The following FSCN2 variants were observed in gnomAD, a reference collection of about 807,000 sequenced individuals.
The protein encoded by FSCN2 is fascin actin-bundling protein 2, retinal.
FSCN2 carries 46 observed loss-of-function variants against 37.8 expected under a neutral mutation model. The ratio of observed to expected loss-of-function variants is 1.22; its 90% CI spans 0.96 to 1.56. The LOEUF is 1.56. Ranked by LOEUF, FSCN2 falls within the 40% of genes most tolerant of loss-of-function variation. The pLI, the probability that FSCN2 is intolerant of heterozygous loss-of-function variation, is 0.00. For synonymous variants in FSCN2, 351 were observed against 309.4 expected (o/e 1.13, Z -1.41); for missense variants, 844 against 730.4 (o/e 1.16, Z -1.79).
the FSCN2 span, chr17:81,518,958 G>A: frequency 1.3e-5 from 2 of 152,260 alleles, no homozygotes; most frequent in African/African-American, 2.4e-5. Flanking sequence ...CAGGGTACCC[G>A]AGTCTTAGCC....
At chr17:81,534,541 C>T (rs977359561) in intron 1 of FSCN2, among the ~76,000 whole-genome samples, 2 of 151,968 alleles carry the variant, frequency 1.3e-5, no homozygotes, top group East Asian at 1.9e-4. Flanking sequence ...GTCTTGTCCT[C>T]CCCCAGGGGT....
upstream of FSCN2, among the ~76,000 whole-genome samples, chr17:81,524,915 ACACACCACACT>A (rs2032303213): frequency 6.7e-6 from 1 of 149,564 alleles, no homozygotes; most frequent in African/African-American, 2.4e-5. Flanking sequence ...ACACACACAC[ACACACCACACT>A]CACACACATG....
chr17:81,535,048 C>T lies in FSCN2; in HGVS notation c.827-4C>T. The T allele has an allele frequency of 6.5e-7, 1 of 1,528,332 alleles. No homozygotes were observed. Among genetic ancestry groups the T allele is most frequent in the Non-Finnish European group, 8.8e-7 (1 of 1,142,376 alleles). 94.7% of individuals were successfully genotyped at this position (1,528,332 alleles called of 1,614,324 possible). On this transcript the variant is annotated splice_region_variant and splice_polypyrimidine_tract_variant and intron_variant, in intron 1 of 4. Transcript: ENST00000417245. ...TGAGGGGCTTCCCCATCTCCTCCCTCCAGGGGTCAACGTCTCAGCCAATCA... is the reference window on the plus strand; with the variant it reads ...TGAGGGGCTTCCCCATCTCCTCCCTTCAGGGGTCAACGTCTCAGCCAATCA...
intron 1 of FSCN2, among the ~76,000 whole-genome samples, chr17:81,532,841 A>G (rs149181279): frequency 0.04 from 6,040 of 151,990 alleles, 161 homozygotes; most frequent in East Asian, 0.12. Context: ...TTGATCCTCA[A>G]CCACCCTGCA....
the FSCN2 span, among the ~76,000 whole-genome samples, chr17:81,516,483 A>C: frequency 3.9e-5 from 6 of 152,186 alleles, no homozygotes; most frequent in African/African-American, 1.4e-4. Context: ...ATGAAATGCA[A>C]GGTGATGGCC....
intron 2 of FSCN2, 40 bp downstream of exon 2, chr17:81,535,248 CCCA>C (rs1166222991): frequency 9.9e-6 from 14 of 1,420,800 alleles, no homozygotes; most frequent in East Asian, 2.6e-5. Flanking sequence ...CATCCCCATC[CCCA>C]CCATCACCAT....
chr17:81,523,566 AC>A (rs1190329222), upstream of FSCN2: 1 of 152,336 alleles, frequency 6.6e-6, no homozygotes, highest in Non-Finnish European at 1.5e-5. Context: ...GGTGGCCCTC[AC>A]CTGGCTGCAG....
Position 81,536,865 on chromosome 17 carries a change from C to A in FSCN2, c.1274-10C>A, listed in dbSNP as rs757344317. 10 of 1,563,238 alleles carry A rather than the reference C, an allele frequency of 6.4e-6. No homozygotes were observed. The highest frequency in any genetic ancestry group is 1.4e-5 in the African/African-American group (1 of 72,846). ...GTGGGCACCCCCGCCGACGCCGTCC[C>A]GTCCCCCAGGCCGCGACGGAGGGTT... On this transcript the variant is annotated splice_polypyrimidine_tract_variant and intron_variant, in intron 4 of 4. Coordinates refer to ENST00000417245, the MANE Select transcript of FSCN2 (RefSeq NM_012418.4).
chr17:81,516,410 A>G, the FSCN2 span, among the ~76,000 whole-genome samples: 1 of 152,220 alleles, frequency 6.6e-6, no homozygotes, highest in African/African-American at 2.4e-5. Flanking sequence ...ACTTGAATCC[A>G]AGGCAAGCAA....
chr17:81,531,756 G>GTGA (rs2032629367), intron 1 of FSCN2, among the ~76,000 whole-genome samples: 1 of 50,332 alleles, frequency 2.0e-5, no homozygotes, highest in Non-Finnish European at 3.9e-5. Flanking sequence ...GATAGTGATG[G>GTGA]CGATGATGGT....
rs890433839 is a variant in FSCN2 at position 81,535,228 on chromosome 17, C to T, written c.983+20C>T. 4.9e-5 allele frequency: 74 copies of T among 1,510,210 alleles called. No individual in the cohort carries two copies. The highest frequency in any genetic ancestry group is 6.1e-5 in the Non-Finnish European group (69 of 1,128,822). 93.6% of individuals were successfully genotyped at this position (1,510,210 alleles called of 1,614,324 possible). A position where few individuals can be genotyped will look rare whatever the true frequency, so the allele number is the denominator to read the frequency against. On this transcript the variant is annotated intron_variant, in intron 2 of 4. Transcript: ENST00000417245. The stretch of plus-strand genomic sequence containing the variant: ...ACAAGTGTGAGTGCACACATCCCTT[C>T]CTCCTCCATCATCCCCATCCCCACC...
chr17:81,523,314 C>T, the FSCN2 span, among the ~76,000 whole-genome samples: 2 of 152,372 alleles, frequency 1.3e-5, no homozygotes, highest in Admixed American at 6.5e-5. Context: ...TGCCCCCTGC[C>T]TTGCCGATGG....
the FSCN2 span, among the ~76,000 whole-genome samples, chr17:81,518,188 C>T: frequency 6.6e-6 from 1 of 152,154 alleles, no homozygotes; most frequent in South Asian, 2.1e-4. Flanking sequence ...TTCCTTTGCC[C>T]CCAAAGCTGT....
At chr17:81,516,162 A>C in the FSCN2 span, among the ~76,000 whole-genome samples, 2 of 152,236 alleles carry the variant, frequency 1.3e-5, no homozygotes, top group African/African-American at 4.8e-5. Context: ...CTCATCTTCC[A>C]CCACTAAATG....
intron 4 of FSCN2, 25 bp from the exon 5 acceptor site, chr17:81,536,850 C>T (rs759181085): frequency 6.4e-7 from 1 of 1,551,776 alleles, no homozygotes; most frequent in African/African-American, 1.4e-5. Flanking sequence ...GTGGGCACCC[C>T]CGCCGACGCC....
rs576424619 is a variant in FSCN2, at chr17:81,537,097, G to C, written c.*17G>C. ...GAGTACTGAGGCCGCGCCCAGACCAGCCTGTCGCGCATTAAAACCGTGTCT... is the reference window on the plus strand; with the variant it reads ...GAGTACTGAGGCCGCGCCCAGACCACCCTGTCGCGCATTAAAACCGTGTCT... On this transcript the variant is annotated 3_prime_UTR_variant, in exon 5 of 5. Transcript: ENST00000417245. 6.4e-6 allele frequency: 9 copies of C among 1,403,568 alleles called. No individual in the cohort carries two copies. In the South Asian group the frequency reaches 1.4e-4, roughly 21 times the overall value. The allele number at this position is 1,403,568 out of a possible 1,614,324, so 86.9% of individuals were successfully genotyped here.
chr17:81,536,973 C>A lies in FSCN2; in HGVS notation c.1372C>A (p.Arg458Ser), dbSNP rs374827376. 1.3e-6 allele frequency: 2 copies of A among 1,543,248 alleles called. No homozygotes were observed. The highest frequency in any genetic ancestry group is 1.7e-6 in the Non-Finnish European group (2 of 1,153,410). Residue 458 changes from arginine (R) to serine (S), a missense_variant, in exon 5 of 5, where the codon CGC becomes AGC. Transcript: ENST00000417245. ...CGTCTTCGAGTTCCGTGAGCGCGGC[C>A]GCCTGGCCATCCGCGCCCGGAGCGG... ...DFVFEFRERGRLAIRARSGKY... is the reference protein window; with the variant it reads ...DFVFEFRERGSLAIRARSGKY...
chr17:81,531,330 GTGGTGATGGTGGTGGTGATGA>G (rs2032566524), intron 1 of FSCN2, among the ~76,000 whole-genome samples: 1 of 69,434 alleles, frequency 1.4e-5, no homozygotes, highest in Non-Finnish European at 2.8e-5. Context: ...GATGGTGGTG[GTGGTGATGGTGGTGGTGATGA>G]TGGTGATGGT....
In FSCN2 at chr17:81,528,843, C is replaced by T. The variant is rs539811030; in HGVS notation, c.312C>T (p.Ser104=). ...CAGATGGGCGCTGGGTGCTGCGGTC[C>T]GAGCCGCACGGCCGCTTCTTCGGAG... The part of the protein sequence containing the change: ...PQPDGRWVLR[S]EPHGRFFGGT... Residue 104 remains serine, a synonymous_variant, in exon 1 of 5, where the codon TCC becomes TCT. Transcript: ENST00000417245. 1.9e-5 allele frequency: 30 copies of T among 1,554,476 alleles called. No homozygotes were observed. The highest frequency in any genetic ancestry group is 1.9e-4 in the South Asian group (16 of 84,854).
Sources: allele counts gnomAD v4.1 joint callset (sites outside exome capture counted in the v4.1 genomes callset), GRCh38; gene constraint gnomAD v4.1.1; transcripts MANE v1.5; gene names NCBI Gene and HGNC (gene_info 2026-07-23, HGNC 2026-07-21).